The following MYO10 variants were observed in gnomAD, a reference collection of about 807,000 sequenced individuals.
The protein encoded by MYO10 is unconventional myosin-X.
A neutral mutation model predicts 257.3 loss-of-function variants in MYO10; 133 were observed. The ratio of observed to expected loss-of-function variants is 0.52; its 90% CI spans 0.45 to 0.60. MYO10 has a LOEUF of 0.60. Among genes scored for constraint, MYO10 ranks in the 20% least tolerant of loss-of-function variants. The pLI is 0.00. For missense variants in MYO10, 2,399 were observed against 2,635.7 expected, an observed-to-expected ratio of 0.91 and a Z score of 1.97; for synonymous variants, 1,104 against 1,028.6, an observed-to-expected ratio of 1.07 and a Z score of -1.40.
chr5:16,830,679 G>GCACACACACACACACTCACACACACA (rs1554000808), intron 2 of MYO10, among the ~76,000 whole-genome samples: 2 of 149,024 alleles, frequency 1.3e-5, no homozygotes, highest in African/African-American at 5.0e-5. Context: ...TTTTTAATAG[G>GCACACACACACACACTCACACACACA]CACACACACA....
chr5:16,672,744 C>T lies in MYO10; in HGVS notation c.5254G>A (p.Asp1752Asn), dbSNP rs188023536. 1.9e-6 allele frequency: 3 copies of T among 1,613,962 alleles called. No individual in the cohort carries two copies. The highest frequency in any genetic ancestry group is 1.7e-5 in the Admixed American group (1 of 60,006). Reference sequence around the variant, plus strand: ...ACGGTTCGACTTTCAATGGCTTTGTCGACGTGGCCGTTGTATTCAAACAAA... The same window carrying T: ...ACGGTTCGACTTTCAATGGCTTTGTTGACGTGGCCGTTGTATTCAAACAAA... ...FALFEYNGHV[D>N]KAIESRTVVA... The change falls in exon 37 of 41, where the codon GAC becomes AAC. Residue 1752 changes from aspartate to asparagine, a missense_variant. Physicochemically the swap from Asp to Asn is conservative, Grantham distance 23 (BLOSUM62 1). Around this residue, in one of 3 missense-constraint regions of MYO10, gnomAD observed 1,820 missense variants for 1,939.4 expected, o/e 0.94. Coordinates refer to ENST00000513610, the MANE Select transcript of MYO10 (RefSeq NM_012334.3).
intron 9 of MYO10, among the ~76,000 whole-genome samples, chr5:16,773,069 T>A (rs1741102668): frequency 6.6e-6 from 1 of 152,204 alleles, no homozygotes; most frequent in Non-Finnish European, 1.5e-5. Flanking sequence ...TATGTGTTCA[T>A]TATATCTCAA....
chr5:16,801,201 A>T (rs1742109703), intron 3 of MYO10, among the ~76,000 whole-genome samples: 1 of 152,050 alleles, frequency 6.6e-6, no homozygotes, highest in Non-Finnish European at 1.5e-5. Flanking sequence ...ATTTTTAAAG[A>T]TCAATCATGC....
chr5:16,736,440 CCA>C (rs2126625350), intron 19 of MYO10, among the ~76,000 whole-genome samples: 1 of 152,302 alleles, frequency 6.6e-6, no homozygotes, highest in South Asian at 2.1e-4. Flanking sequence ...AGGGTCAGTT[CCA>C]CAGAGTTTTC....
At chr5:16,690,898 G>A (rs1737467642) in intron 27 of MYO10, among the ~76,000 whole-genome samples, 1 of 152,070 alleles carries the variant, frequency 6.6e-6, no homozygotes, top group Non-Finnish European at 1.5e-5. Context: ...CAGATGTTAG[G>A]ATCAGACCAG....
intron 19 of MYO10, among the ~76,000 whole-genome samples, chr5:16,732,911 A>G (rs1739642816): frequency 6.6e-6 from 1 of 152,180 alleles, no homozygotes; most frequent in South Asian, 2.1e-4. Context: ...AGGTGCGCAG[A>G]TCACTTGAGG....
intron 1 of MYO10, among the ~76,000 whole-genome samples, chr5:16,899,903 CAGG>C (rs1745328136): frequency 6.9e-6 from 1 of 145,370 alleles, no homozygotes; most frequent in South Asian, 2.2e-4. Context: ...GAGGCTGAGG[CAGG>C]AGAATTGCTT....
chr5:16,851,456 C>T (rs926486980), intron 2 of MYO10, among the ~76,000 whole-genome samples: 1 of 152,124 alleles, frequency 6.6e-6, no homozygotes, highest in Admixed American at 6.6e-5. Flanking sequence ...AACTCGGAAA[C>T]TTGGGTCACA....
chr5:16,797,781 G>A (rs1742011748), intron 3 of MYO10, among the ~76,000 whole-genome samples: 1 of 152,248 alleles, frequency 6.6e-6, no homozygotes, highest in Non-Finnish European at 1.5e-5. Flanking sequence ...ACAGTGGCAG[G>A]AGAGGGGAAT....
intron 2 of MYO10, among the ~76,000 whole-genome samples, chr5:16,819,639 C>T (rs1435287915): frequency 6.6e-6 from 1 of 152,076 alleles, no homozygotes; most frequent in Non-Finnish European, 1.5e-5. Flanking sequence ...TGTGTGCACA[C>T]AAAACAATTT....
Position 16,670,514 on chromosome 5 carries a change from G to A in MYO10, c.5883+12C>T. ...ACCCAGCCCACCCCAACACACGGCA[G>A]CCAGTTCTCACCTCCACATCAAACA... On this transcript the variant is annotated intron_variant, in intron 39 of 40. Transcript: ENST00000513610. 1 of 1,586,188 alleles carries A rather than the reference G, an allele frequency of 6.3e-7. No homozygotes were observed. The highest frequency in any genetic ancestry group is 8.6e-7 in the Non-Finnish European group (1 of 1,163,562).
At chr5:16,669,472 G>A (rs1736340861) in intron 39 of MYO10, among the ~76,000 whole-genome samples, 1 of 152,124 alleles carries the variant, frequency 6.6e-6, no homozygotes, top group African/African-American at 2.4e-5. Context: ...CCAAAGCGCT[G>A]GGATTACAGG....
intron 19 of MYO10, among the ~76,000 whole-genome samples, chr5:16,726,218 A>T (rs1438186496): frequency 6.6e-6 from 1 of 152,148 alleles, no homozygotes; most frequent in Non-Finnish European, 1.5e-5. Flanking sequence ...TCATCTGTGG[A>T]CGATCATCAA....
chr5:16,762,555 C>G lies in MYO10; in HGVS notation c.1577G>C (p.Ser526Thr). Residue 526 changes from serine to threonine, a missense_variant, in exon 15 of 41, where the codon AGT becomes ACT. Physicochemically the swap from Ser to Thr is moderately conservative, Grantham distance 58 (BLOSUM62 1). Coordinates refer to ENST00000513610, the MANE Select transcript of MYO10 (RefSeq NM_012334.3). ...CAGGTTTTGACATACCGCATGCTGA[C>G]TGTGTAGCTTCTCCAATAAGGTGCT... ...TDSTLLEKLHSQHANNHFYVK... is the reference protein window; with the variant it reads ...TDSTLLEKLHTQHANNHFYVK... 6.2e-7 allele frequency: 1 copy of G among 1,606,760 alleles called. No individual in the cohort carries two copies. The highest frequency in any genetic ancestry group is 8.5e-7 in the Non-Finnish European group (1 of 1,176,544).
chr5:16,772,683 T>C (rs773607645), intron 9 of MYO10, among the ~76,000 whole-genome samples: 50 of 152,308 alleles, frequency 3.3e-4, no homozygotes, highest in Non-Finnish European at 4.4e-4. Flanking sequence ...TGGCAATAAA[T>C]ACTTTTACAA....
chr5:16,904,470 G>A (rs938041538), intron 1 of MYO10, among the ~76,000 whole-genome samples: 1 of 152,186 alleles, frequency 6.6e-6, no homozygotes, highest in African/African-American at 2.4e-5. Context: ...CATCAAAAAT[G>A]GGGAGCAGAC....
At chr5:16,755,029 C>T (rs1740487615) in intron 18 of MYO10, 121 bp from the exon 19 acceptor site, 1 of 497,054 alleles carries the variant, frequency 2.0e-6, no homozygotes, top group African/African-American at 2.0e-5. Flanking sequence ...GGACTAATAA[C>T]TTAGAGGTTT....
At position 16,786,231 on chromosome 5, in the gene MYO10, A is replaced by C. The variant is rs190640404; in HGVS notation, c.468-2762T>G. 3.8e-3 allele frequency among the ~76,000 whole-genome samples: 577 copies of C among 152,216 alleles called. 4 individuals are homozygous for C. The highest frequency in any genetic ancestry group is 0.013 in the African/African-American group (551 of 41,544). ...GGCTCACCGAATATGGCAAAAATACAATTATGGAGAAGATACGATACTCTT... is the reference window on the plus strand; with the variant it reads ...GGCTCACCGAATATGGCAAAAATACCATTATGGAGAAGATACGATACTCTT... On this transcript the variant is annotated intron_variant, in intron 4 of 40. Transcript: ENST00000513610.
At chr5:16,681,809 TC>T in intron 31 of MYO10, 61 bp downstream of exon 31, 2 of 1,536,604 alleles carry the variant, frequency 1.3e-6, no homozygotes. Context: ...GCTGCAGATG[TC>T]TATATGCAAA....
Sources: gnomAD v4.1 joint callset for allele counts (sites outside exome capture counted in the v4.1 genomes callset) on GRCh38, gnomAD v4.1.1 for gene constraint, gnomAD v4.1.1 regional missense constraint, MANE v1.5 for transcripts, NCBI Gene and HGNC (gene_info 2026-07-23, HGNC 2026-07-21) for gene names.